FUZ: variants seen among roughly 807,000 people sequenced by gnomAD.
FUZ encodes the protein protein fuzzy homolog.
Under a neutral mutation model 43.1 loss-of-function variants are expected in FUZ, and 31 were observed. That is an observed-to-expected ratio of 0.72 (90% CI 0.54 to 0.97). The LOEUF is 0.97. Ranked by LOEUF, FUZ falls within the 50% of genes least tolerant of loss-of-function variation. The pLI, the probability that FUZ is intolerant of heterozygous loss-of-function variation, is 0.00. For missense variants in FUZ, 539 were observed against 543.8 expected, an observed-to-expected ratio of 0.99 and a Z score of 0.09; for synonymous variants, 274 against 250.0, an observed-to-expected ratio of 1.10 and a Z score of -0.91.
intron 7 of FUZ, 26 bp from the exon 8 acceptor site, chr19:49,808,849 G>T: frequency 6.5e-7 from 1 of 1,529,788 alleles, no homozygotes; most frequent in Non-Finnish European, 8.8e-7. Flanking sequence ...TCATTGTGAG[G>T]TCGTCATGGG....
Position 49,809,362 on chromosome 19 carries a change from C to A in FUZ, c.690+16G>T, listed in dbSNP as rs1216367692. ...CCCAGGTCACATCCCTCCGTCGGTG[C>A]CCGCCACCCACTCACCGTGGGGCTC... On this transcript the variant is annotated intron_variant, in intron 6 of 10. Coordinates refer to ENST00000313777, the MANE Select transcript of FUZ (RefSeq NM_025129.5). The surrounding 1 kb of genome is among the most constrained non-coding windows in gnomAD (Gnocchi z 5.1). The A allele has an allele frequency of 6.5e-7, 1 of 1,544,948 alleles. No individual in the cohort carries two copies. Among genetic ancestry groups the A allele is most frequent in the Non-Finnish European group, 8.7e-7 (1 of 1,146,756 alleles).
chr19:49,812,979 G>C lies in FUZ; in HGVS notation c.111+17C>G, dbSNP rs753379722. The C allele has an allele frequency of 2.5e-5, 38 of 1,544,888 alleles. No individual in the cohort carries two copies. The highest frequency in any genetic ancestry group is 2.9e-5 in the Non-Finnish European group (33 of 1,141,520). On this transcript the variant is annotated intron_variant, in intron 1 of 10. Transcript: ENST00000313777. ...CCGAACCCCCTTCGGTTTAGATACA[G>C]GCGTCCAAGGCCCCACCTGCTGACG...
Position 49,809,676 on chromosome 19 carries a change from C to T in FUZ, c.493-101G>A. The T allele has an allele frequency of 7.9e-7, 1 of 1,268,868 alleles. No homozygotes were observed. The highest frequency in any genetic ancestry group is 1.1e-6 in the Non-Finnish European group (1 of 906,766). The allele number at this position is 1,268,868 out of a possible 1,614,324, so 78.6% of individuals were successfully genotyped here. On this transcript the variant is annotated intron_variant, in intron 5 of 10. Transcript: ENST00000313777. The surrounding 1 kb of genome is among the most constrained non-coding windows in gnomAD (Gnocchi z 5.1). ...GGAATGGGGAGAAACCCACAGCCAG[C>T]CCCGAGCTCGCGCAGTGGCCATGCT...
intron 1 of FUZ, 116 bp downstream of exon 1, chr19:49,812,880 G>A (rs1432852874): frequency 7.4e-7 from 1 of 1,342,722 alleles, no homozygotes; most frequent in African/African-American, 1.4e-5. Context: ...TTGGTCCATT[G>A]CCTCCTCGGT....
intron 5 of FUZ, 61 bp downstream of exon 5, chr19:49,811,302 G>A (rs1444515791): frequency 8.6e-7 from 1 of 1,159,680 alleles, no homozygotes; most frequent in Non-Finnish European, 1.3e-6. Context: ...GAAGAAAGAG[G>A]ATGAGGACTG....
At position 49,808,879 on chromosome 19, in the gene FUZ, AGGTCGGGGGG is replaced by A. The variant is rs1020943138; in HGVS notation, c.787-66_787-57del. 57 of 885,200 alleles carry A rather than the reference AGGTCGGGGGG, an allele frequency of 6.4e-5. 1 individual carries two copies. Among genetic ancestry groups the A allele is most frequent in the Non-Finnish European group, 8.7e-5 (54 of 620,164 alleles). 54.8% of individuals were successfully genotyped at this position (885,200 alleles called of 1,614,324 possible). A position where few individuals can be genotyped will look rare whatever the true frequency, so the allele number is the denominator to read the frequency against. ...CATGGGAAGGCGGGGCCGGCGGGGG[AGGTCGGGGGG>A]TGTACAAGGATAGGGGCGTGGTCAA... On this transcript the variant is annotated intron_variant, in intron 7 of 10. Transcript: ENST00000313777.
chr19:49,811,242 G>C (rs1568606995), intron 5 of FUZ, 121 bp downstream of exon 5: 1 of 728,670 alleles, frequency 1.4e-6, no homozygotes. Context: ...GACCAGGTGG[G>C]GATAGGACTG....
chr19:49,810,904 CT>C (rs1171987335), intron 5 of FUZ: 1 of 331,508 alleles, frequency 3.0e-6, no homozygotes, highest in African/African-American at 2.2e-5. Flanking sequence ...CATCCCAGCA[CT>C]GTGGGAGGCC....
At chr19:49,810,678 CA>C (rs34752826) in intron 5 of FUZ, among the ~76,000 whole-genome samples, 26,083 of 90,328 alleles carry the variant, frequency 0.29, 2,198 homozygotes, top group Middle Eastern at 0.45. Context: ...GACTCTGTCT[CA>C]AAAAAAAAAA....
chr19:49,812,899 T>G lies in FUZ; in HGVS notation c.111+97A>C, dbSNP rs113040464. ...TCCATTGCCTCCTCGGTCCTACAAA[T>G]TCAACACTGAAACTTCCCCAGCCCC... On this transcript the variant is annotated intron_variant, in intron 1 of 10. Transcript: ENST00000313777. 1,647 of 1,360,736 alleles carry G rather than the reference T, an allele frequency of 1.2e-3. 17 individuals carry two copies. The African/African-American group carries it at 0.021, about 17-fold the overall frequency. The allele number at this position is 1,360,736 out of a possible 1,614,324, so 84.3% of individuals were successfully genotyped here. A position where few individuals can be genotyped will look rare whatever the true frequency, so the allele number is the denominator to read the frequency against.
chr19:49,809,243 G>C lies in FUZ; in HGVS notation c.706C>G (p.Leu236Val). The C allele has an allele frequency of 6.4e-7, 1 of 1,551,024 alleles. No homozygotes were observed. Among genetic ancestry groups the C allele is most frequent in the Non-Finnish European group, 8.7e-7 (1 of 1,146,944 alleles). Residue 236 changes from leucine to valine, a missense_variant, in exon 7 of 11, where the codon CTG (leucine) becomes GTG (valine). Coordinates refer to ENST00000313777, the MANE Select transcript of FUZ (RefSeq NM_025129.5). The surrounding 1 kb of genome is among the most constrained non-coding windows in gnomAD (Gnocchi z 5.1). ...AGGCTCGGCAGCAGAGTCAGGGTCA[G>C]GAGCCGGTGTGGGACCTGAAGCAGG... The part of the protein sequence containing the change: ...HGSPTVPHRL[L>V]TLTLLPSLEL...
At chr19:49,813,362 G>A (rs2073882559), upstream of FUZ, 16 of 572,468 alleles carry the variant, frequency 2.8e-5, no homozygotes, top group South Asian at 3.1e-4. Context: ...CAAAGATGGC[G>A]GCAAATTGAA....
chr19:49,807,092 G>C lies in FUZ; in HGVS notation c.*59C>G, dbSNP rs781670962. ...CCAGGGGCTGTGTATTATTGTGAGC[G>C]AATAAACAGAGAGACGCTAACAGCC... On this transcript the variant is annotated 3_prime_UTR_variant, in exon 11 of 11. Coordinates refer to ENST00000313777, the MANE Select transcript of FUZ (RefSeq NM_025129.5). 24 of 1,605,768 alleles carry C rather than the reference G, an allele frequency of 1.5e-5. No homozygotes were observed. The South Asian group carries it at 2.5e-4, about 17-fold the overall frequency.
Position 49,813,120 on chromosome 19 carries a change from C to T in FUZ, c.-14G>A. On this transcript the variant is annotated 5_prime_UTR_variant, in exon 1 of 11. Coordinates refer to ENST00000313777, the MANE Select transcript of FUZ (RefSeq NM_025129.5). Reference sequence around the variant, plus strand: ...CTCCTCCCCCATTTAGGACTCCCACCGCGGTCCCTCACGTGGGGACTGTCA... The same window carrying T: ...CTCCTCCCCCATTTAGGACTCCCACTGCGGTCCCTCACGTGGGGACTGTCA... The T allele has an allele frequency of 6.5e-7, 1 of 1,543,688 alleles. No individual in the cohort carries two copies. The highest frequency in any genetic ancestry group is 1.4e-5 in the African/African-American group (1 of 73,022).
rs570362032 is a variant in FUZ at position 49,811,703 on chromosome 19, G to C, written c.319-4C>G. On this transcript the variant is annotated splice_region_variant and splice_polypyrimidine_tract_variant and intron_variant, in intron 3 of 10. Coordinates refer to ENST00000313777, the MANE Select transcript of FUZ (RefSeq NM_025129.5). ...CTTCAAGTCCCACAAGAAGGACCTA[G>C]AAGAATCATATAGGAGAGGATGGGC... The C allele has an allele frequency of 2.1e-4, 331 of 1,612,772 alleles. 3 individuals carry two copies. The South Asian group carries it at 3.2e-3, about 16-fold the overall frequency.
Position 49,811,395 on chromosome 19 carries a change from A to AGT in FUZ, c.458_459dup (p.Cys154ThrfsTer3). ...AGGGACCCCTCTGGAGGAATCACGC[A>AGT]GTCCACACACTGGGTCAGGTCCCCG... On this transcript the variant is annotated frameshift_variant, in exon 5 of 11. Transcript: ENST00000313777. LOFTEE classifies it high-confidence loss of function. The AGT allele has an allele frequency of 6.2e-7, 1 of 1,612,990 alleles. No individual in the cohort carries two copies.
chr19:49,810,501 T>C (rs4802627), intron 5 of FUZ, among the ~76,000 whole-genome samples: 4,965 of 151,648 alleles, frequency 0.033, 170 homozygotes, highest in East Asian at 0.14. Context: ...AGTGAAACCC[T>C]GTCTCTACTA....
Position 49,811,395 on chromosome 19 carries a change from AGTCCACACACTGG to A in FUZ, c.447_459del (p.Gln150AlafsTer2). The A allele has an allele frequency of 3.1e-6, 5 of 1,612,990 alleles. No individual in the cohort carries two copies. The highest frequency in any genetic ancestry group is 4.2e-6 in the Non-Finnish European group (5 of 1,179,462). On this transcript the variant is annotated frameshift_variant, in exon 5 of 11. Coordinates refer to ENST00000313777, the MANE Select transcript of FUZ (RefSeq NM_025129.5). LOFTEE classifies it high-confidence loss of function. Reference sequence around the variant, plus strand: ...AGGGACCCCTCTGGAGGAATCACGCAGTCCACACACTGGGTCAGGTCCCCGATGAGCTCCGAGT... The same window carrying A: ...AGGGACCCCTCTGGAGGAATCACGCAGTCAGGTCCCCGATGAGCTCCGAGT...
At position 49,809,837 on chromosome 19, in the gene FUZ, G is replaced by A. The variant is rs2073672267; in HGVS notation, c.493-262C>T. ...GCAAACTGAAGCTAATAATGTAACCGCAGCAGCTACCGTTCATCCAGGCCT... is the reference window on the plus strand; with the variant it reads ...GCAAACTGAAGCTAATAATGTAACCACAGCAGCTACCGTTCATCCAGGCCT... On this transcript the variant is annotated intron_variant, in intron 5 of 10. Transcript: ENST00000313777. The surrounding 1 kb of genome is among the most constrained non-coding windows in gnomAD (Gnocchi z 5.1). 3 of 565,698 alleles carry A rather than the reference G, an allele frequency of 5.3e-6. No homozygotes were observed. The highest frequency in any genetic ancestry group is 2.0e-5 in the South Asian group (1 of 50,292). 35.0% of individuals were successfully genotyped at this position (565,698 alleles called of 1,614,324 possible).
Sources: gnomAD v4.1 joint callset for allele counts (sites outside exome capture counted in the v4.1 genomes callset) on GRCh38, gnomAD v4.1.1 for gene constraint, Gnocchi (gnomAD v3.1) non-coding constraint, MANE v1.5 for transcripts, NCBI Gene and HGNC (gene_info 2026-07-23, HGNC 2026-07-21) for gene names.